Variants in CSMD1 observed in about 807,000 individuals in gnomAD.
CSMD1 encodes CUB and Sushi multiple domains 1.
Under a neutral mutation model 417.5 loss-of-function variants are expected in CSMD1, and 213 were observed. That is an observed-to-expected ratio of 0.51 (90% confidence interval 0.46 to 0.57). CSMD1 has a LOEUF of 0.57. CSMD1 is among the 20% of genes least tolerant of loss of function. The pLI is 0.00. For missense variants in CSMD1, 6,923 were observed against 4,529.7 expected (o/e 1.53, Z -15.17); for synonymous variants, 2,862 against 1,736.8 (o/e 1.65, Z -16.11).
At chr8:4,466,380 G>T (rs1465046404) in intron 2 of CSMD1, among the ~76,000 whole-genome samples, 1 of 152,068 alleles carries the variant, frequency 6.6e-6, no homozygotes. Flanking sequence ...GAGATGTATC[G>T]GGGAGTTGAA....
intron 6 of CSMD1, among the ~76,000 whole-genome samples, chr8:3,729,015 C>A (rs1011460781): frequency 6.6e-6 from 1 of 152,172 alleles, no homozygotes; most frequent in South Asian, 2.1e-4. Flanking sequence ...CTGTGGGGAG[C>A]CCCGCCAAAC....
intron 5 of CSMD1, among the ~76,000 whole-genome samples, chr8:3,995,629 C>A (rs988539068): frequency 6.6e-6 from 1 of 152,218 alleles, no homozygotes; most frequent in East Asian, 1.9e-4. Context: ...TTTGCCATCT[C>A]TTGTCCTCTG....
At position 3,029,710 on chromosome 8, in the gene CSMD1, T is replaced by A. The variant is rs149308710; in HGVS notation, c.7661-197A>T. ...GATCCCATATGTAAAATGCATTCAA[T>A]TGCCTCACTACAGATGTCCTGGGAA... On this transcript the variant is annotated intron_variant, in intron 50 of 69. Transcript: ENST00000635120. 2.7e-3 allele frequency among the ~76,000 whole-genome samples: 413 copies of A among 150,310 alleles called. 4 individuals carry two copies. Among genetic ancestry groups the A allele is most frequent in the African/African-American group, 7.7e-3 (317 of 41,372 alleles).
intron 3 of CSMD1, among the ~76,000 whole-genome samples, chr8:4,069,609 C>T (rs75814233): frequency 6.6e-6 from 1 of 152,148 alleles, no homozygotes; most frequent in African/African-American, 2.4e-5. Flanking sequence ...CAGCGTAATA[C>T]CATCTGGCCT....
intron 6 of CSMD1, among the ~76,000 whole-genome samples, chr8:3,717,320 C>T (rs1340343877): frequency 1.3e-5 from 2 of 152,110 alleles, no homozygotes; most frequent in African/African-American, 4.8e-5. Context: ...ACTTGTATGT[C>T]AGTTGTTTAA....
At chr8:3,847,627 C>T (rs1400529259) in intron 5 of CSMD1, among the ~76,000 whole-genome samples, 1 of 152,072 alleles carries the variant, frequency 6.6e-6, no homozygotes, top group African/African-American at 2.4e-5. Flanking sequence ...CGATGGAGCC[C>T]CGAGAAAACA....
At position 4,399,963 on chromosome 8, in the gene CSMD1, G is replaced by T. The variant is rs1048094536; in HGVS notation, c.415+19990C>A. Among the ~76,000 whole-genome samples the T allele has an allele frequency of 5.3e-5, 8 of 152,136 alleles. No homozygotes were observed. The East Asian group carries it at 1.5e-3, about 29-fold the overall frequency. ...CTCATCTAGGGCTCTCTGGACCAAT[G>T]TATTAGCACCAGGTTGATAAGCCTT... On this transcript the variant is annotated intron_variant, in intron 3 of 69. Transcript: ENST00000635120.
At chr8:4,099,568 G>A (rs770763819) in intron 3 of CSMD1, among the ~76,000 whole-genome samples, 17 of 151,750 alleles carry the variant, frequency 1.1e-4, no homozygotes, top group African/African-American at 2.4e-4. Context: ...TTAAGGCATG[G>A]CATATATCAA....
intron 49 of CSMD1, among the ~76,000 whole-genome samples, chr8:3,065,597 G>A (rs1812889662): frequency 6.6e-6 from 1 of 152,068 alleles, no homozygotes; most frequent in African/African-American, 2.4e-5. Flanking sequence ...CAGATCGATA[G>A]GAAGATAGAA....
chr8:4,920,321 T>C (rs938734000), intron 1 of CSMD1, among the ~76,000 whole-genome samples: 4 of 152,176 alleles, frequency 2.6e-5, no homozygotes, highest in East Asian at 1.9e-4. Flanking sequence ...TTCTTGAGTC[T>C]ACACATAGGA....
At chr8:3,774,958 A>G (rs2623649) in intron 5 of CSMD1, among the ~76,000 whole-genome samples, 151,311 of 152,182 alleles carry the variant, frequency 0.99, 75,234 homozygotes, top group Non-Finnish European at 1. Context: ...AACAGGTAGC[A>G]TATACACAGC....
chr8:4,010,093 A>T lies in CSMD1; in HGVS notation c.611-11983T>A, dbSNP rs566234812. ...TTCCTACATTCCAACTACTTCTGAC[A>T]TATTTTCCTTCCCTTCTTCCTCTGA... On this transcript the variant is annotated intron_variant, in intron 4 of 69. Transcript: ENST00000635120. Among the ~76,000 whole-genome samples, 3 of 152,308 alleles carry T rather than the reference A, an allele frequency of 2.0e-5. 1 individual carries two copies. The South Asian group carries it at 6.2e-4, about 32-fold the overall frequency.
chr8:4,603,109 AT>A (rs1800683306), intron 2 of CSMD1, among the ~76,000 whole-genome samples: 1 of 152,012 alleles, frequency 6.6e-6, no homozygotes, highest in Middle Eastern at 3.2e-3. Context: ...TATGATGAGA[AT>A]AGTTTTGGCT....
chr8:3,794,162 T>C (rs940249142), intron 5 of CSMD1, among the ~76,000 whole-genome samples: 4 of 152,098 alleles, frequency 2.6e-5, no homozygotes, highest in African/African-American at 9.7e-5. Context: ...TCCCAGCAAA[T>C]GACTTTATGT....
intron 2 of CSMD1, among the ~76,000 whole-genome samples, chr8:4,632,361 A>G (rs1487375710): frequency 6.7e-6 from 1 of 150,140 alleles, no homozygotes; most frequent in Non-Finnish European, 1.5e-5. Flanking sequence ...AAAAATAAAA[A>G]AATTAGCCAG....
At chr8:3,865,167 G>C (rs938116876) in intron 5 of CSMD1, among the ~76,000 whole-genome samples, 1 of 152,166 alleles carries the variant, frequency 6.6e-6, no homozygotes, top group African/African-American at 2.4e-5. Flanking sequence ...CCGATTCCTT[G>C]GGTGTAGAGG....
chr8:3,707,532 A>G (rs1451426165), intron 7 of CSMD1, among the ~76,000 whole-genome samples: 8 of 152,194 alleles, frequency 5.3e-5, no homozygotes. Context: ...CAGGAAGTCA[A>G]CCCACTTGGT....
intron 1 of CSMD1, among the ~76,000 whole-genome samples, chr8:4,963,548 C>G (rs1049875833): frequency 1.3e-5 from 2 of 152,142 alleles, no homozygotes; most frequent in African/African-American, 4.8e-5. Context: ...CCCTTACCTG[C>G]TTTTGTGTCT....
intron 9 of CSMD1, among the ~76,000 whole-genome samples, chr8:3,575,350 A>G (rs1235920055): frequency 6.6e-6 from 1 of 152,134 alleles, no homozygotes; most frequent in Non-Finnish European, 1.5e-5. Context: ...CCTCATGTGC[A>G]ATGTCAATAC....
Sources: allele counts gnomAD v4.1 joint callset (sites outside exome capture counted in the v4.1 genomes callset), GRCh38; gene constraint gnomAD v4.1.1; transcripts MANE v1.5; gene names NCBI Gene and HGNC (gene_info 2026-07-23, HGNC 2026-07-21).